The following VCF1 variants were observed in gnomAD, a reference collection of about 807,000 sequenced individuals.
VCF1 encodes the protein VCP nuclear cofactor family member 1, also known as protein VCF1.
chr17:73,232,159 C>G, the VCF1 span: 1 of 1,610,302 alleles, frequency 6.2e-7, no homozygotes. Context: ...AGAGAGGGAA[C>G]AGAGGGGGTT....
the VCF1 span, among the ~76,000 whole-genome samples, chr17:73,213,718 C>A: frequency 6.6e-6 from 1 of 152,114 alleles, no homozygotes; most frequent in Non-Finnish European, 1.5e-5. Flanking sequence ...ACCTGTAATC[C>A]CAGCACTTTG....
At chr17:73,209,933 G>A in the VCF1 span, among the ~76,000 whole-genome samples, 6 of 152,278 alleles carry the variant, frequency 3.9e-5, no homozygotes, top group East Asian at 1.9e-4. Context: ...CTCCTAAAAC[G>A]TTTCATCCTC....
the VCF1 span, among the ~76,000 whole-genome samples, chr17:73,216,252 C>G: frequency 6.6e-6 from 1 of 152,100 alleles, no homozygotes; most frequent in Non-Finnish European, 1.5e-5. Flanking sequence ...CCGAGGAGGA[C>G]AGAAAGAACT....
the VCF1 span, chr17:73,229,711 C>CA: frequency 5.8e-6 from 2 of 345,100 alleles, no homozygotes; most frequent in African/African-American, 4.5e-5. Context: ...ACTAAAAATA[C>CA]AAAAGAGTTA....
the VCF1 span, among the ~76,000 whole-genome samples, chr17:73,231,717 G>A: frequency 1.3e-5 from 2 of 152,082 alleles, no homozygotes; most frequent in Non-Finnish European, 2.9e-5. Flanking sequence ...AAGCCTTTGG[G>A]GGCTCCCTCT....
the VCF1 span, among the ~76,000 whole-genome samples, chr17:73,219,509 G>A: frequency 1.3e-5 from 2 of 151,380 alleles, no homozygotes; most frequent in African/African-American, 4.9e-5. Flanking sequence ...AATTAGCCGG[G>A]TGTGGTGGCA....
At chr17:73,207,833 A>G in the VCF1 span, 3 of 1,276,514 alleles carry the variant, frequency 2.4e-6, no homozygotes, top group Non-Finnish European at 3.1e-6. Flanking sequence ...TGTTAGACAC[A>G]ATATTAGCAG....
chr17:73,220,329 T>C, the VCF1 span, among the ~76,000 whole-genome samples: 2 of 152,234 alleles, frequency 1.3e-5, no homozygotes, highest in African/African-American at 4.8e-5. Context: ...TTTTTTAATT[T>C]CTCACACTTC....
chr17:73,227,574 A>T, the VCF1 span: 3 of 959,836 alleles, frequency 3.1e-6, no homozygotes, highest in Non-Finnish European at 3.8e-6. Context: ...TAAGCTTTCA[A>T]CCTCTAACCT....
chr17:73,223,911 G>A, the VCF1 span, among the ~76,000 whole-genome samples: 7 of 151,750 alleles, frequency 4.6e-5, no homozygotes, highest in Non-Finnish European at 1.0e-4. Context: ...AGCCCAGGAG[G>A]TTGAGGCTAC....
the VCF1 span, chr17:73,232,194 C>G: frequency 6.2e-7 from 1 of 1,609,700 alleles, no homozygotes; most frequent in Non-Finnish European, 8.5e-7. Flanking sequence ...GCCACGCCCA[C>G]CCCCTCGGGC....
chr17:73,229,307 G>A, the VCF1 span: 21 of 985,292 alleles, frequency 2.1e-5, no homozygotes, highest in Non-Finnish European at 2.4e-5. Flanking sequence ...TTCAACAATG[G>A]TGTTAACAAC....
chr17:73,213,173 G>A, the VCF1 span, among the ~76,000 whole-genome samples: 32 of 152,116 alleles, frequency 2.1e-4, no homozygotes, highest in African/African-American at 7.2e-4. Flanking sequence ...GAACCCAGGA[G>A]GCGGAGGTTG....
chr17:73,222,596 C>T, the VCF1 span, among the ~76,000 whole-genome samples: 6 of 151,136 alleles, frequency 4.0e-5, no homozygotes, highest in Non-Finnish European at 5.9e-5. Flanking sequence ...TGGCCAACAT[C>T]GTGAAACCCA....
At chr17:73,218,337 A>G in the VCF1 span, among the ~76,000 whole-genome samples, 6 of 152,350 alleles carry the variant, frequency 3.9e-5, no homozygotes, top group African/African-American at 1.2e-4. Flanking sequence ...ATAAGCAAGG[A>G]AAGAAAATGC....
the VCF1 span, chr17:73,227,079 G>A: frequency 9.8e-7 from 1 of 1,023,228 alleles, no homozygotes; most frequent in Non-Finnish European, 1.4e-6. Flanking sequence ...TTAAATTACT[G>A]TTTAAGTAAA....
the VCF1 span, among the ~76,000 whole-genome samples, chr17:73,217,182 C>A: frequency 2.3e-4 from 35 of 151,316 alleles, no homozygotes; most frequent in East Asian, 2.5e-3. Context: ...ATACAAAAAA[C>A]CAAAACAAAA....
chr17:73,208,032 T>C, the VCF1 span: 8 of 1,342,258 alleles, frequency 6.0e-6, no homozygotes, highest in Non-Finnish European at 6.7e-6. Context: ...GATCTTTCAG[T>C]TCTGCCCACA....
At chr17:73,216,436 T>A in the VCF1 span, among the ~76,000 whole-genome samples, 1 of 151,814 alleles carries the variant, frequency 6.6e-6, no homozygotes, top group African/African-American at 2.4e-5. Context: ...GGAAGGCCGA[T>A]GAGAAAGTCC....
Sources: allele counts gnomAD v4.1 joint callset (sites outside exome capture counted in the v4.1 genomes callset), GRCh38; gene constraint gnomAD v4.1.1; transcripts MANE v1.5; gene names NCBI Gene and HGNC (gene_info 2026-07-23, HGNC 2026-07-21).